The following CPVL variants were observed in gnomAD, a reference collection of about 807,000 sequenced individuals.
CPVL encodes probable serine carboxypeptidase CPVL.
A neutral mutation model predicts 63.7 loss-of-function variants in CPVL; 51 were observed. The ratio of observed to expected loss-of-function variants is 0.80; its 90% CI spans 0.64 to 1.01. CPVL has a LOEUF of 1.01. Among genes scored for constraint, CPVL ranks in the 50% least tolerant of loss-of-function variants. The pLI is 0.00. For missense variants in CPVL, 530 were observed against 573.1 expected (o/e 0.92, Z 0.77); for synonymous variants, 195 against 206.0 (o/e 0.95, Z 0.46).
intron 12 of CPVL, among the ~76,000 whole-genome samples, chr7:29,000,236 T>C (rs1784480220): frequency 6.6e-6 from 1 of 152,098 alleles, no homozygotes; most frequent in African/African-American, 2.4e-5. Context: ...AGTAAAGGTT[T>C]CCCAGTTGTG....
intron 3 of CPVL, among the ~76,000 whole-genome samples, chr7:29,103,409 C>CTCTTTT (rs1787406434): frequency 2.8e-5 from 1 of 36,120 alleles, no homozygotes; most frequent in Non-Finnish European, 4.9e-5. Flanking sequence ...CCATGCTCAG[C>CTCTTTT]TATTTTTTTT....
intron 11 of CPVL, among the ~76,000 whole-genome samples, chr7:29,034,955 C>G (rs941452427): frequency 6.6e-6 from 1 of 151,024 alleles, no homozygotes; most frequent in Non-Finnish European, 1.5e-5. Context: ...TCAAATACTA[C>G]CATACCAGCT....
intron 2 of CPVL, 74 bp from the exon 3 acceptor site, chr7:29,112,896 G>C: frequency 9.8e-7 from 1 of 1,020,274 alleles, no homozygotes; most frequent in Non-Finnish European, 1.6e-6. Flanking sequence ...ATCTATCTCA[G>C]TCTGGATGAA....
At chr7:29,193,619 A>C (rs1783181447) in intron 1 of CPVL, 1 of 152,118 alleles carries the variant, frequency 6.6e-6, no homozygotes, top group African/African-American at 2.4e-5. Flanking sequence ...AACAGACTTA[A>C]AAAAAATCTG....
chr7:29,015,842 T>C (rs1562724049), intron 12 of CPVL, among the ~76,000 whole-genome samples: 1 of 152,064 alleles, frequency 6.6e-6, no homozygotes, highest in Non-Finnish European at 1.5e-5. Context: ...GTTCAAAGCC[T>C]TAAGCAAGTT....
intron 5 of CPVL, among the ~76,000 whole-genome samples, chr7:29,176,188 G>GAA (rs200056581): frequency 2.2e-5 from 3 of 137,294 alleles, no homozygotes; most frequent in East Asian, 2.1e-4. Context: ...TCCGTCTCAA[G>GAA]AAAAAAAAAA....
intron 11 of CPVL, among the ~76,000 whole-genome samples, chr7:29,044,748 G>A (rs760975626): frequency 2.6e-5 from 4 of 152,268 alleles, no homozygotes; most frequent in East Asian, 3.9e-4. Flanking sequence ...TAAAGTCAAC[G>A]GATGTAATCG....
chr7:29,067,284 A>G (rs1409145248), intron 9 of CPVL, among the ~76,000 whole-genome samples: 1 of 152,194 alleles, frequency 6.6e-6, no homozygotes, highest in East Asian at 1.9e-4. Context: ...ACCAGGAATT[A>G]TGACAAGAAT....
At chr7:29,101,224 G>T (rs918324262) in intron 3 of CPVL, among the ~76,000 whole-genome samples, 1 of 152,156 alleles carries the variant, frequency 6.6e-6, no homozygotes, top group African/African-American at 2.4e-5. Context: ...CAAAATTCAG[G>T]AATTTAAAAA....
At chr7:29,045,342 T>A (rs1789509094) in intron 11 of CPVL, among the ~76,000 whole-genome samples, 1 of 152,192 alleles carries the variant, frequency 6.6e-6, no homozygotes, top group South Asian at 2.1e-4. Flanking sequence ...CGGATACAGA[T>A]AAAATGAACT....
chr7:29,176,856 A>G (rs536776906), intron 5 of CPVL, among the ~76,000 whole-genome samples: 103 of 152,340 alleles, frequency 6.8e-4, no homozygotes, highest in African/African-American at 4.8e-4. Flanking sequence ...CTCTTTCATC[A>G]TTGGTCAGAA....
intron 5 of CPVL, among the ~76,000 whole-genome samples, chr7:29,164,801 A>C (rs1019609290): frequency 1.2e-3 from 164 of 142,296 alleles, no homozygotes; most frequent in Non-Finnish European, 6.8e-4. Flanking sequence ...AAAAAAAAAA[A>C]CAAAGATTAT....
intron 3 of CPVL, among the ~76,000 whole-genome samples, chr7:29,103,251 T>TG (rs1787381917): frequency 7.3e-6 from 1 of 136,134 alleles, no homozygotes; most frequent in African/African-American, 2.9e-5. Context: ...TTGTTTTGTT[T>TG]TTTTTTTTTT....
chr7:29,026,432 C>G (rs1485107616), intron 12 of CPVL, among the ~76,000 whole-genome samples: 9 of 151,738 alleles, frequency 5.9e-5, no homozygotes, highest in Non-Finnish European at 1.3e-4. Context: ...AAGAACAAAC[C>G]AAACCCATTA....
rs188381425 is a variant in CPVL, at chr7:29,101,284, T to C, written c.289-5067A>G. ...TCAAGAGTGTATGAAGCAAGACAAT[T>C]AATGCATTTATTTTTTTCAAAAGCT... is the stretch of plus-strand genomic sequence containing the variant. On this transcript the variant is annotated intron_variant, in intron 3 of 12. Transcript: ENST00000265394. Among the ~76,000 whole-genome samples the C allele has an allele frequency of 3.9e-5, 6 of 152,320 alleles. No homozygotes were observed. The East Asian group carries it at 5.8e-4, about 15-fold the overall frequency.
chr7:29,108,270 G>T (rs1218456294), intron 3 of CPVL, among the ~76,000 whole-genome samples: 1 of 152,218 alleles, frequency 6.6e-6, no homozygotes, highest in Non-Finnish European at 1.5e-5. Flanking sequence ...GGCATTTGAG[G>T]TAACTGATCT....
At chr7:29,166,568 A>G (rs556251219) in intron 5 of CPVL, among the ~76,000 whole-genome samples, 1 of 152,106 alleles carries the variant, frequency 6.6e-6, no homozygotes, top group African/African-American at 2.4e-5. Flanking sequence ...CAGGTAATCT[A>G]TGTCTTCTTG....
At chr7:29,019,005 T>C (rs1786690724) in intron 12 of CPVL, among the ~76,000 whole-genome samples, 1 of 151,982 alleles carries the variant, frequency 6.6e-6, no homozygotes, top group Non-Finnish European at 1.5e-5. Context: ...TATATTTCTA[T>C]CTCAGTGGCT....
intron 7 of CPVL, among the ~76,000 whole-genome samples, chr7:29,074,121 G>C (rs144439611): frequency 0.012 from 1,808 of 152,302 alleles, 22 homozygotes; most frequent in African/African-American, 0.041. Flanking sequence ...TTAAGTTGTA[G>C]AGCCAGAATT....
Sources: allele counts gnomAD v4.1 joint callset (sites outside exome capture counted in the v4.1 genomes callset), GRCh38; gene constraint gnomAD v4.1.1; transcripts MANE v1.5; gene names NCBI Gene and HGNC (gene_info 2026-07-23, HGNC 2026-07-21).